Variants in ATOH1 observed in about 807,000 individuals in gnomAD.
ATOH1 encodes transcription factor ATOH1.
Under a neutral mutation model 20.7 loss-of-function variants are expected in ATOH1, and 9 were observed. The ratio of observed to expected loss-of-function variants is 0.44; its 90% CI spans 0.26 to 0.76. ATOH1 has a LOEUF of 0.76. Ranked by LOEUF, ATOH1 falls within the 30% of genes least tolerant of loss-of-function variation. The pLI is 0.20. For missense variants in ATOH1, 516 were observed against 479.3 expected (o/e 1.08, Z -0.71); for synonymous variants, 247 against 214.3 (o/e 1.15, Z -1.33).
rs1327514204 is a variant in ATOH1 at position 93,829,375 on chromosome 4, G to A, written c.449G>A (p.Ser150Asn). The A allele has an allele frequency of 6.2e-7, 1 of 1,614,222 alleles. No homozygotes were observed. Residue 150 changes from serine (S) to asparagine (N), a missense_variant, in exon 1 of 1, where the codon AGC (serine) becomes AAC (asparagine). Ser to Asn is a conservative substitution (Grantham distance 46). Transcript: ENST00000306011. This position sits in a 1 kb window ranked among gnomAD's most constrained non-coding sequence, Gnocchi z 4.5. ...TGCAGCCGCCAACGGGCCCCTTCCA[G>A]CAAACAGGTGAATGGGGTGCAGAAG... Reference protein sequence around the residue: ...LGCSRQRAPSSKQVNGVQKQR... With the variant: ...LGCSRQRAPSNKQVNGVQKQR...
Position 93,829,693 on chromosome 4 carries a change from C to A in ATOH1, c.767C>A (p.Ala256Asp). The change falls in exon 1 of 1, where the codon GCT (alanine) becomes GAT (aspartate). Residue 256 changes from alanine (A) to aspartate (D), a missense_variant. Physicochemically the swap from Ala to Asp is moderately radical, Grantham distance 126. Coordinates refer to ENST00000306011, the MANE Select transcript of ATOH1 (RefSeq NM_005172.2). This position sits in a 1 kb window ranked among gnomAD's most constrained non-coding sequence, Gnocchi z 4.5. ...GGAGNATAAG[A>D]QQASGGSQRP... The stretch of plus-strand genomic sequence containing the variant: ...GCGGGCAACGCGACCGCAGCTGGGG[C>A]TCAGCAGGCTTCCGGAGGGAGCCAG... The A allele has an allele frequency of 6.4e-7, 1 of 1,571,406 alleles. No individual in the cohort carries two copies. Among genetic ancestry groups the A allele is most frequent in the Non-Finnish European group, 8.6e-7 (1 of 1,160,534 alleles).
At position 93,829,148 on chromosome 4, in the gene ATOH1, G is replaced by A. The variant is rs544693691; in HGVS notation, c.222G>A (p.Thr74=). 3.1e-6 allele frequency: 5 copies of A among 1,599,492 alleles called. No homozygotes were observed. Among genetic ancestry groups the A allele is most frequent in the Non-Finnish European group, 3.4e-6 (4 of 1,171,464 alleles). Residue 74 remains threonine (T), a synonymous_variant, in exon 1 of 1, where the codon ACG becomes ACA. Transcript: ENST00000306011. The surrounding 1 kb of genome is among the most constrained non-coding windows in gnomAD (Gnocchi z 4.5). ...WLAPTLQGIC[T]ARAAQYLLHS... is the part of the protein sequence containing the mutation. ...CTCCCACTTTGCAGGGCATCTGCACGGCACGCGCCGCCCAGTATTTGCTAC... is the reference window on the plus strand; with the variant it reads ...CTCCCACTTTGCAGGGCATCTGCACAGCACGCGCCGCCCAGTATTTGCTAC...
In ATOH1 at chr4:93,829,825, G is replaced by T; in HGVS notation, c.899G>T (p.Ser300Ile). Reference protein sequence around the residue: ...DALHFSTFEDSALTAMMAQKN... With the variant: ...DALHFSTFEDIALTAMMAQKN... ...CTGCACTTCTCGACTTTCGAGGACA[G>T]CGCCCTGACAGCGATGATGGCGCAA... Residue 300 changes from serine (S) to isoleucine (I), a missense_variant, in exon 1 of 1, where the codon AGC (serine) becomes ATC (isoleucine). Transcript: ENST00000306011. The surrounding 1 kb of genome is among the most constrained non-coding windows in gnomAD (Gnocchi z 4.5). 6.2e-7 allele frequency: 1 copy of T among 1,613,994 alleles called. No individual in the cohort carries two copies. Among genetic ancestry groups the T allele is most frequent in the Non-Finnish European group, 8.5e-7 (1 of 1,180,016 alleles).
Position 93,830,255 on chromosome 4 carries a change from T to G in ATOH1, c.*264T>G. On this transcript the variant is annotated 3_prime_UTR_variant, in exon 1 of 1. Transcript: ENST00000306011. ...TTCCGCCCACCTTCTGCTCCCCCTT[T>G]AGATAGATACGGTATAATTGTAGGT... is the stretch of plus-strand genomic sequence containing the variant. 1.8e-6 allele frequency: 1 copy of G among 547,980 alleles called. No individual in the cohort carries two copies. Among genetic ancestry groups the G allele is most frequent in the Non-Finnish European group, 2.9e-6 (1 of 340,820 alleles). The allele number at this position is 547,980 out of a possible 1,614,324, so 33.9% of individuals were successfully genotyped here. A position where few individuals can be genotyped will look rare whatever the true frequency, so the allele number is the denominator to read the frequency against.
rs1388988188 is a variant in ATOH1 at position 93,829,322 on chromosome 4, A to T, written c.396A>T (p.Lys132Asn). 4 of 1,613,884 alleles carry T rather than the reference A, an allele frequency of 2.5e-6. No individual in the cohort carries two copies. Among genetic ancestry groups the T allele is most frequent in the East Asian group, 4.5e-5 (2 of 44,868 alleles). Residue 132 changes from lysine (K) to asparagine (N), a missense_variant, in exon 1 of 1, where the codon AAA becomes AAT. Lys to Asn is a moderately conservative substitution (Grantham distance 94). Transcript: ENST00000306011. This position sits in a 1 kb window ranked among gnomAD's most constrained non-coding sequence, Gnocchi z 4.5. Reference sequence around the variant, plus strand: ...TGCGGGAACAGCTGTGCAAGCTGAAAGGCGGGGTGGTGGTAGACGAGCTGG... The same window carrying T: ...TGCGGGAACAGCTGTGCAAGCTGAATGGCGGGGTGGTGGTAGACGAGCTGG... ...VKVREQLCKL[K>N]GGVVVDELGC...
In ATOH1 at chr4:93,829,283, C is replaced by A; in HGVS notation, c.357C>A (p.Pro119=). 6.2e-7 allele frequency: 1 copy of A among 1,608,368 alleles called. No homozygotes were observed. Among genetic ancestry groups the A allele is most frequent in the South Asian group, 1.1e-5 (1 of 90,352 alleles). The change falls in exon 1 of 1, where the codon CCC becomes CCA. Residue 119 remains proline (P), a synonymous_variant. Transcript: ENST00000306011. The surrounding 1 kb of genome is among the most constrained non-coding windows in gnomAD (Gnocchi z 4.5). The part of the protein sequence containing the change: ...SSGGASSSKS[P]GPVKVREQLC... ...GCGGTGCCAGCAGCAGCAAGAGCCCCGGGCCGGTGAAAGTGCGGGAACAGC... is the reference window on the plus strand; with the variant it reads ...GCGGTGCCAGCAGCAGCAAGAGCCCAGGGCCGGTGAAAGTGCGGGAACAGC...
In ATOH1 at chr4:93,830,173, C is replaced by G. The variant is rs976844242; in HGVS notation, c.*182C>G. The G allele has an allele frequency of 7.7e-7, 1 of 1,295,408 alleles. No individual in the cohort carries two copies. Among genetic ancestry groups the G allele is most frequent in the Admixed American group, 3.4e-5 (1 of 29,186 alleles). 80.2% of individuals were successfully genotyped at this position (1,295,408 alleles called of 1,614,324 possible). ...ATGGTTTGCAAATGCCGCCGCTGTTCCAAACTTCCTACGGTCCATATTGTT... is the reference window on the plus strand; with the variant it reads ...ATGGTTTGCAAATGCCGCCGCTGTTGCAAACTTCCTACGGTCCATATTGTT... On this transcript the variant is annotated 3_prime_UTR_variant, in exon 1 of 1. Transcript: ENST00000306011.
At position 93,829,257 on chromosome 4, in the gene ATOH1, G is replaced by A; in HGVS notation, c.331G>A (p.Gly111Ser). ...GRGELVRRSS[G>S]GASSSKSPGP... ...GGGGGAGCTGGTAAGGAGGAGCAGCGGCGGTGCCAGCAGCAGCAAGAGCCC... is the reference window on the plus strand; with the variant it reads ...GGGGGAGCTGGTAAGGAGGAGCAGCAGCGGTGCCAGCAGCAGCAAGAGCCC... The change falls in exon 1 of 1, where the codon GGC becomes AGC. Residue 111 changes from glycine (G) to serine (S), a missense_variant. Gly to Ser is a moderately conservative substitution (Grantham distance 56). Transcript: ENST00000306011. The surrounding 1 kb of genome is among the most constrained non-coding windows in gnomAD (Gnocchi z 4.5). The A allele has an allele frequency of 1.3e-6, 2 of 1,597,466 alleles. No homozygotes were observed. Among genetic ancestry groups the A allele is most frequent in the Admixed American group, 1.7e-5 (1 of 59,326 alleles).
In ATOH1 at chr4:93,830,846, C is replaced by G. The variant is rs188188497; in HGVS notation, c.*855C>G. The G allele has an allele frequency of 4.7e-4, 78 of 167,066 alleles. No individual in the cohort carries two copies. Among genetic ancestry groups the G allele is most frequent in the African/African-American group, 1.8e-3 (75 of 41,532 alleles). 10.3% of individuals were successfully genotyped at this position (167,066 alleles called of 1,614,324 possible). A position where few individuals can be genotyped will look rare whatever the true frequency, so the allele number is the denominator to read the frequency against. On this transcript the variant is annotated 3_prime_UTR_variant, in exon 1 of 1. Transcript: ENST00000306011. The stretch of plus-strand genomic sequence containing the variant: ...TTATTATTGTTTGCTACCATTTCTA[C>G]TTATCTTGATTCATTTTTTACGTTT...
rs752995405 is a variant in ATOH1, at chr4:93,829,214, G to A, written c.288G>A (p.Arg96=). ...GTGCCTCAGAGGCCGCTGCGCCCCG[G>A]GACGAGGTGGACGGCCGGGGGGAGC... ...ELGASEAAAP[R]DEVDGRGELV... Residue 96 remains arginine, a synonymous_variant, in exon 1 of 1, where the codon CGG becomes CGA. Coordinates refer to ENST00000306011, the MANE Select transcript of ATOH1 (RefSeq NM_005172.2). This position sits in a 1 kb window ranked among gnomAD's most constrained non-coding sequence, Gnocchi z 4.5. 1 of 1,584,508 alleles carries A rather than the reference G, an allele frequency of 6.3e-7. No homozygotes were observed. Among genetic ancestry groups the A allele is most frequent in the Non-Finnish European group, 8.6e-7 (1 of 1,164,342 alleles).
At position 93,829,682 on chromosome 4, in the gene ATOH1, C is replaced by G. The variant is rs149770942; in HGVS notation, c.756C>G (p.Thr252=). 55 of 1,569,974 alleles carry G rather than the reference C, an allele frequency of 3.5e-5. No homozygotes were observed. The highest frequency in any genetic ancestry group is 3.4e-4 in the Middle Eastern group (2 of 5,814). The change falls in exon 1 of 1, where the codon ACC becomes ACG. Residue 252 remains threonine (T), a synonymous_variant. Transcript: ENST00000306011. This position sits in a 1 kb window ranked among gnomAD's most constrained non-coding sequence, Gnocchi z 4.5. ...ATGAAGGGGGCGCGGGCAACGCGACCGCAGCTGGGGCTCAGCAGGCTTCCG... is the reference window on the plus strand; with the variant it reads ...ATGAAGGGGGCGCGGGCAACGCGACGGCAGCTGGGGCTCAGCAGGCTTCCG... The part of the protein sequence containing the change: ...ASYEGGAGNA[T]AAGAQQASGG...
At position 93,829,217 on chromosome 4, in the gene ATOH1, C is replaced by T. The variant is rs942857356; in HGVS notation, c.291C>T (p.Asp97=). ...CCTCAGAGGCCGCTGCGCCCCGGGA[C>T]GAGGTGGACGGCCGGGGGGAGCTGG... The part of the protein sequence containing the change: ...LGASEAAAPR[D]EVDGRGELVR... The change falls in exon 1 of 1, where the codon GAC becomes GAT. Residue 97 remains aspartate (D), a synonymous_variant. Coordinates refer to ENST00000306011, the MANE Select transcript of ATOH1 (RefSeq NM_005172.2). The surrounding 1 kb of genome is among the most constrained non-coding windows in gnomAD (Gnocchi z 4.5). 1.3e-6 allele frequency: 2 copies of T among 1,584,772 alleles called. No homozygotes were observed. The highest frequency in any genetic ancestry group is 1.2e-5 in the South Asian group (1 of 85,852).
chr4:93,829,468 A>G lies in ATOH1; in HGVS notation c.542A>G (p.Gln181Arg), dbSNP rs1490393908. 20 of 1,614,262 alleles carry G rather than the reference A, an allele frequency of 1.2e-5. No individual in the cohort carries two copies. The highest frequency in any genetic ancestry group is 1.6e-5 in the Non-Finnish European group (19 of 1,180,048). Residue 181 changes from glutamine (Q) to arginine (R), a missense_variant, in exon 1 of 1, where the codon CAG (glutamine) becomes CGG (arginine). Gln to Arg is a conservative substitution (Grantham distance 43). Transcript: ENST00000306011. The surrounding 1 kb of genome is among the most constrained non-coding windows in gnomAD (Gnocchi z 4.5). The stretch of plus-strand genomic sequence containing the variant: ...CATGGGCTGAACCACGCCTTCGACC[A>G]GCTGCGCAATGTTATCCCGTCGTTC... ...RMHGLNHAFD[Q>R]LRNVIPSFNN...
rs942784851 is a variant in ATOH1, at chr4:93,829,457, C to T, written c.531C>T (p.His177=). Residue 177 remains histidine (H), a synonymous_variant, in exon 1 of 1, where the codon CAC becomes CAT. Coordinates refer to ENST00000306011, the MANE Select transcript of ATOH1 (RefSeq NM_005172.2). The surrounding 1 kb of genome is among the most constrained non-coding windows in gnomAD (Gnocchi z 4.5). The stretch of plus-strand genomic sequence containing the variant: ...GGCGCAGGATGCATGGGCTGAACCA[C>T]GCCTTCGACCAGCTGCGCAATGTTA... ...RERRRMHGLN[H]AFDQLRNVIP... 6.2e-7 allele frequency: 1 copy of T among 1,614,254 alleles called. No homozygotes were observed. The highest frequency in any genetic ancestry group is 8.5e-7 in the Non-Finnish European group (1 of 1,180,046).
rs1054607636 is a variant in ATOH1 at position 93,830,883 on chromosome 4, T to C, written c.*892T>C. On this transcript the variant is annotated 3_prime_UTR_variant, in exon 1 of 1. Transcript: ENST00000306011. The stretch of plus-strand genomic sequence containing the variant: ...CATTTTTTACGTTTTCTACTCGAGA[T>C]CATTTTATTTTAATTTAGCAAAGCC... 1 of 167,126 alleles carries C rather than the reference T, an allele frequency of 6.0e-6. No homozygotes were observed. The highest frequency in any genetic ancestry group is 2.4e-5 in the African/African-American group (1 of 41,472). 10.4% of individuals were successfully genotyped at this position (167,126 alleles called of 1,614,324 possible). A position where few individuals can be genotyped will look rare whatever the true frequency, so the allele number is the denominator to read the frequency against.
Position 93,829,337 on chromosome 4 carries a change from A to G in ATOH1, c.411A>G (p.Val137=). Residue 137 remains valine, a synonymous_variant, in exon 1 of 1, where the codon GTA becomes GTG. Transcript: ENST00000306011. The surrounding 1 kb of genome is among the most constrained non-coding windows in gnomAD (Gnocchi z 4.5). The part of the protein sequence containing the change: ...QLCKLKGGVV[V]DELGCSRQRA... ...GCAAGCTGAAAGGCGGGGTGGTGGTAGACGAGCTGGGCTGCAGCCGCCAAC... is the reference window on the plus strand; with the variant it reads ...GCAAGCTGAAAGGCGGGGTGGTGGTGGACGAGCTGGGCTGCAGCCGCCAAC... The G allele has an allele frequency of 6.2e-7, 1 of 1,614,040 alleles. No individual in the cohort carries two copies.
chr4:93,829,379 A>G lies in ATOH1; in HGVS notation c.453A>G (p.Lys151=). 6.2e-7 allele frequency: 1 copy of G among 1,614,198 alleles called. No homozygotes were observed. Among genetic ancestry groups the G allele is most frequent in the Non-Finnish European group, 8.5e-7 (1 of 1,180,016 alleles). The change falls in exon 1 of 1, where the codon AAA becomes AAG. Residue 151 remains lysine, a synonymous_variant. Transcript: ENST00000306011. The surrounding 1 kb of genome is among the most constrained non-coding windows in gnomAD (Gnocchi z 4.5). ...GCCGCCAACGGGCCCCTTCCAGCAA[A>G]CAGGTGAATGGGGTGCAGAAGCAGA... ...GCSRQRAPSS[K]QVNGVQKQRR... is the part of the protein sequence containing the mutation.
chr4:93,829,368 C>T lies in ATOH1; in HGVS notation c.442C>T (p.Pro148Ser), dbSNP rs537422021. The T allele has an allele frequency of 1.2e-6, 2 of 1,614,182 alleles. No homozygotes were observed. Among genetic ancestry groups the T allele is most frequent in the Admixed American group, 3.3e-5 (2 of 60,030 alleles). ...GCTGGGCTGCAGCCGCCAACGGGCC[C>T]CTTCCAGCAAACAGGTGAATGGGGT... is the stretch of plus-strand genomic sequence containing the variant. Reference protein sequence around the residue: ...DELGCSRQRAPSSKQVNGVQK... With the variant: ...DELGCSRQRASSSKQVNGVQK... Residue 148 changes from proline (P) to serine (S), a missense_variant, in exon 1 of 1, where the codon CCT (proline) becomes TCT (serine). Pro to Ser is a moderately conservative substitution (Grantham distance 74). Transcript: ENST00000306011. The surrounding 1 kb of genome is among the most constrained non-coding windows in gnomAD (Gnocchi z 4.5).
chr4:93,829,784 G>C lies in ATOH1; in HGVS notation c.858G>C (p.Ser286=). The change falls in exon 1 of 1, where the codon TCG becomes TCC. Residue 286 remains serine, a synonymous_variant. Transcript: ENST00000306011. The surrounding 1 kb of genome is among the most constrained non-coding windows in gnomAD (Gnocchi z 4.5). ...FSAPASAGGY[S]VQLDALHFST... Reference sequence around the variant, plus strand: ...CCCCAGCTTCTGCGGGAGGGTACTCGGTGCAGCTGGACGCTCTGCACTTCT... The same window carrying C: ...CCCCAGCTTCTGCGGGAGGGTACTCCGTGCAGCTGGACGCTCTGCACTTCT... 3 of 1,610,692 alleles carry C rather than the reference G, an allele frequency of 1.9e-6. No homozygotes were observed. Among genetic ancestry groups the C allele is most frequent in the Non-Finnish European group, 2.5e-6 (3 of 1,178,634 alleles).
Sources: allele counts gnomAD v4.1 joint callset, GRCh38; gene constraint gnomAD v4.1.1; non-coding constraint Gnocchi (gnomAD v3.1); transcripts MANE v1.5; gene names NCBI Gene and HGNC (gene_info 2026-07-23, HGNC 2026-07-21).